Variants in SAMD13 observed in about 807,000 individuals in gnomAD.
SAMD13 encodes sterile alpha motif domain containing 13.
Under a neutral mutation model 12.4 loss-of-function variants are expected in SAMD13, and 9 were observed. That is an observed-to-expected ratio of 0.72 (90% CI 0.44 to 1.26). The LOEUF (loss-of-function observed/expected upper bound fraction) is 1.26, where lower values mean the gene tolerates loss of function less well. Among genes scored for constraint, SAMD13 ranks in the 50% most tolerant of loss-of-function variants. SAMD13 has a pLI of 0.00. For missense variants in SAMD13, 84 were observed against 119.6 expected (o/e 0.70, Z 1.39); for synonymous variants, 46 against 45.4 (o/e 1.01, Z -0.05).
intron 2 of SAMD13, among the ~76,000 whole-genome samples, chr1:84,308,672 A>G (rs1160364514): frequency 6.6e-6 from 1 of 152,228 alleles, no homozygotes; most frequent in Non-Finnish European, 1.5e-5. Context: ...TATATATCAT[A>G]GAAGAGAAGG....
chr1:84,324,074 ACT>A (rs1428180518), intron 2 of SAMD13, among the ~76,000 whole-genome samples: 2 of 151,844 alleles, frequency 1.3e-5, no homozygotes, highest in Non-Finnish European at 2.9e-5. Context: ...TTATTCATTA[ACT>A]CTCTTTTAAA....
chr1:84,348,293 A>G (rs1679575036), intron 3 of SAMD13, among the ~76,000 whole-genome samples: 2 of 152,052 alleles, frequency 1.3e-5, no homozygotes, highest in South Asian at 2.1e-4. Context: ...ATTCTCCCAC[A>G]CTCTCAGGAA....
At chr1:84,303,940 A>G (rs1225252446) in intron 2 of SAMD13, 1 of 152,230 alleles carries the variant, frequency 6.6e-6, no homozygotes, top group Admixed American at 6.5e-5. Context: ...AAAAATGTAT[A>G]TTCTCACTTA....
At chr1:84,306,323 G>C (rs917041418) in intron 2 of SAMD13, among the ~76,000 whole-genome samples, 7 of 151,516 alleles carry the variant, frequency 4.6e-5, no homozygotes, top group Admixed American at 1.3e-4. Flanking sequence ...GATGTTATAT[G>C]CCACAACCTT....
At chr1:84,330,121 T>C (rs951867142) in intron 3 of SAMD13, among the ~76,000 whole-genome samples, 10 of 152,318 alleles carry the variant, frequency 6.6e-5, no homozygotes, top group South Asian at 4.1e-4. Flanking sequence ...GTGAAAGTCA[T>C]GACTTCTGAT....
At chr1:84,303,596 C>T (rs186209380) in intron 2 of SAMD13, 101 of 206,476 alleles carry the variant, frequency 4.9e-4, no homozygotes, top group Admixed American at 1.1e-3. Flanking sequence ...AGCAGAGACT[C>T]TTCCATAGAC....
intron 2 of SAMD13, among the ~76,000 whole-genome samples, chr1:84,304,752 G>A (rs1013765442): frequency 2.6e-5 from 4 of 151,854 alleles, no homozygotes; most frequent in African/African-American, 9.7e-5. Flanking sequence ...ATAAATGAAT[G>A]TGTATACATC....
At chr1:84,328,339 C>T (rs1364301209) in intron 3 of SAMD13, among the ~76,000 whole-genome samples, 2 of 152,154 alleles carry the variant, frequency 1.3e-5, no homozygotes, top group Non-Finnish European at 2.9e-5. Context: ...AAGTGAGCAT[C>T]GTCTTGCTAC....
chr1:84,314,327 G>A (rs969009043), intron 2 of SAMD13, among the ~76,000 whole-genome samples: 4 of 152,072 alleles, frequency 2.6e-5, no homozygotes, highest in Non-Finnish European at 4.4e-5. Context: ...TTGTTTGCCT[G>A]GAAGCCTGGT....
chr1:84,312,247 C>T (rs1358883412), intron 2 of SAMD13, among the ~76,000 whole-genome samples: 5 of 151,964 alleles, frequency 3.3e-5, no homozygotes, highest in African/African-American at 4.8e-5. Context: ...TTTTTTTACA[C>T]AACAAACAGC....
At chr1:84,324,602 T>G (rs1679017290) in intron 2 of SAMD13, among the ~76,000 whole-genome samples, 1 of 152,160 alleles carries the variant, frequency 6.6e-6, no homozygotes, top group Non-Finnish European at 1.5e-5. Flanking sequence ...TGTTTTGCTC[T>G]CCAGTGTATT....
upstream of SAMD13, chr1:84,299,432 C>T: frequency 3.3e-6 from 1 of 306,468 alleles, no homozygotes; most frequent in Non-Finnish European, 6.3e-6. Context: ...CAGCATATCC[C>T]ATAATGTGCT....
chr1:84,312,255 A>C (rs1005502885), intron 2 of SAMD13, among the ~76,000 whole-genome samples: 5 of 152,104 alleles, frequency 3.3e-5, no homozygotes, highest in Non-Finnish European at 1.5e-5. Context: ...CACAACAAAC[A>C]GCATTTTTTT....
intron 3 of SAMD13, among the ~76,000 whole-genome samples, 164 bp downstream of exon 3, chr1:84,325,912 G>T (rs1167099509): frequency 6.6e-6 from 1 of 152,148 alleles, no homozygotes; most frequent in Non-Finnish European, 1.5e-5. Flanking sequence ...TGTACCAGGT[G>T]AATTATCCCT....
At chr1:84,304,896 A>G (rs559637566) in intron 2 of SAMD13, among the ~76,000 whole-genome samples, 24 of 152,228 alleles carry the variant, frequency 1.6e-4, no homozygotes, top group African/African-American at 5.8e-4. Flanking sequence ...TGGATCTACA[A>G]CAATTTGTTT....
intron 3 of SAMD13, among the ~76,000 whole-genome samples, chr1:84,326,154 A>G (rs926888452): frequency 9.9e-5 from 15 of 152,136 alleles, no homozygotes; most frequent in Admixed American, 5.9e-4. Flanking sequence ...TCAGCACCCA[A>G]TGGACTATTA....
chr1:84,328,012 A>G lies in SAMD13; in HGVS notation c.165+2264A>G, dbSNP rs142375334. Among the ~76,000 whole-genome samples, 342 of 152,348 alleles carry G rather than the reference A, an allele frequency of 2.2e-3. 2 individuals carry two copies. The highest frequency in any genetic ancestry group is 8.1e-3 in the African/African-American group (336 of 41,588). On this transcript the variant is annotated intron_variant, in intron 3 of 3. Coordinates refer to ENST00000394834, the MANE Select transcript of SAMD13 (RefSeq NM_001134663.2). Reference sequence around the variant, plus strand: ...ACTCTTCTAAAATTAAATGTAGATAATATTGTAAATGGTTAACAAAAAAAT... The same window carrying G: ...ACTCTTCTAAAATTAAATGTAGATAGTATTGTAAATGGTTAACAAAAAAAT...
chr1:84,339,966 A>G (rs1679388852), intron 3 of SAMD13, among the ~76,000 whole-genome samples: 1 of 152,238 alleles, frequency 6.6e-6, no homozygotes, highest in Non-Finnish European at 1.5e-5. Context: ...AAGGATGTGG[A>G]GAAATTTCTT....
chr1:84,334,869 C>T (rs1471601143), intron 3 of SAMD13, among the ~76,000 whole-genome samples: 2 of 151,982 alleles, frequency 1.3e-5, no homozygotes, highest in African/African-American at 4.8e-5. Flanking sequence ...GAGTGACCTT[C>T]CTCTTACTGA....
Sources: gnomAD v4.1 joint callset for allele counts (sites outside exome capture counted in the v4.1 genomes callset) on GRCh38, gnomAD v4.1.1 for gene constraint, MANE v1.5 for transcripts, NCBI Gene and HGNC (gene_info 2026-07-23, HGNC 2026-07-21) for gene names.